The following SEPTIN9 variants were observed in gnomAD, a reference collection of about 807,000 sequenced individuals.
The protein encoded by SEPTIN9 is septin 9.
A neutral mutation model predicts 56.6 loss-of-function variants in SEPTIN9; 13 were observed. That is an observed-to-expected ratio of 0.23 (90% CI 0.15 to 0.37). SEPTIN9 has a LOEUF of 0.37. Ranked by LOEUF, SEPTIN9 falls within the 10% of genes least tolerant of loss-of-function variation. The pLI is 1.00. For missense variants in SEPTIN9, 650 were observed against 823.1 expected, an observed-to-expected ratio of 0.79 and a Z score of 2.57; for synonymous variants, 332 against 334.1, an observed-to-expected ratio of 0.99 and a Z score of 0.07.
At chr17:77,467,796 C>A (rs1406584931) in intron 3 of SEPTIN9, among the ~76,000 whole-genome samples, 1 of 152,200 alleles carries the variant, frequency 6.6e-6, no homozygotes, top group Non-Finnish European at 1.5e-5. Context: ...GTGGCTGCCC[C>A]CATGCTGGTC....
At chr17:77,282,911 A>G (rs1193618220) in intron 1 of SEPTIN9, among the ~76,000 whole-genome samples, 1 of 152,092 alleles carries the variant, frequency 6.6e-6, no homozygotes, top group African/African-American at 2.4e-5. Context: ...CCGCCCAGGG[A>G]GGGCCCTTTG....
intron 3 of SEPTIN9, among the ~76,000 whole-genome samples, chr17:77,465,025 C>T (rs1296259656): frequency 6.6e-6 from 1 of 152,204 alleles, no homozygotes; most frequent in Non-Finnish European, 1.5e-5. Context: ...CCCCTAGCCA[C>T]CGCTCATCTG....
At chr17:77,308,332 C>T (rs2032350894) in intron 2 of SEPTIN9, among the ~76,000 whole-genome samples, 1 of 152,250 alleles carries the variant, frequency 6.6e-6, no homozygotes, top group African/African-American at 2.4e-5. Context: ...GGGCTGCCTT[C>T]AGAACAAGGT....
chr17:77,301,686 T>A (rs1021810860), intron 1 of SEPTIN9, among the ~76,000 whole-genome samples: 2 of 152,202 alleles, frequency 1.3e-5, no homozygotes, highest in Admixed American at 1.3e-4. Flanking sequence ...GTGCTGGGAT[T>A]ACAGGCCTGA....
At chr17:77,355,140 A>T (rs1202040569) in intron 2 of SEPTIN9, among the ~76,000 whole-genome samples, 1 of 152,176 alleles carries the variant, frequency 6.6e-6, no homozygotes, top group Non-Finnish European at 1.5e-5. Flanking sequence ...GAATGGGCCT[A>T]TATGTCCCAT....
At position 77,402,212 on chromosome 17, in the gene SEPTIN9, A is replaced by T. The variant is rs756262702; in HGVS notation, c.230A>T (p.His77Leu). The change falls in exon 3 of 12, where the codon CAT becomes CTT. Residue 77 changes from histidine to leucine, a missense_variant. His to Leu is a moderately conservative substitution (Grantham distance 99). Around this residue, in one of 2 missense-constraint regions of SEPTIN9, gnomAD observed 317 missense variants for 329.1 expected, o/e 0.96. Coordinates refer to ENST00000427177, the MANE Select transcript of SEPTIN9 (RefSeq NM_001113491.2). The surrounding 1 kb of genome is among the most constrained non-coding windows in gnomAD (Gnocchi z 6.6). ...GVKNSEPSAR[H>L]VDSLSQRSPK... is the part of the protein sequence containing the mutation. The stretch of plus-strand genomic sequence containing the variant: ...AAGAACTCAGAACCCTCGGCCCGCC[A>T]TGTGGACTCCCTAAGCCAACGCTCC... 8 of 1,613,522 alleles carry T rather than the reference A, an allele frequency of 5.0e-6. No individual in the cohort carries two copies. In the South Asian group the frequency reaches 8.8e-5, roughly 18 times the overall value.
Position 77,451,478 on chromosome 17 carries a change from C to T in SEPTIN9, c.722-30666C>T. 1.0e-6 allele frequency: 1 copy of T among 985,832 alleles called. No homozygotes were observed. The highest frequency in any genetic ancestry group is 1.2e-6 in the Non-Finnish European group (1 of 830,250). The allele number at this position is 985,832 out of a possible 1,614,324, so 61.1% of individuals were successfully genotyped here. ...GCTCTGAGCCATGTGACCCGGTGGGCGGGCCGCGGCTCTCGGCGCGTCCAG... is the reference window on the plus strand; with the variant it reads ...GCTCTGAGCCATGTGACCCGGTGGGTGGGCCGCGGCTCTCGGCGCGTCCAG... On this transcript the variant is annotated intron_variant, in intron 3 of 11. Transcript: ENST00000427177. The surrounding 1 kb of genome is among the most constrained non-coding windows in gnomAD (Gnocchi z 4.2).
intron 2 of SEPTIN9, among the ~76,000 whole-genome samples, chr17:77,321,463 G>A (rs1229816015): frequency 1.3e-5 from 2 of 150,992 alleles, no homozygotes; most frequent in East Asian, 2.0e-4. Flanking sequence ...GCAGTGGCGC[G>A]ATCTCAGCTC....
intron 2 of SEPTIN9, among the ~76,000 whole-genome samples, chr17:77,396,712 C>T (rs775528737): frequency 1.6e-4 from 25 of 152,124 alleles, no homozygotes; most frequent in Non-Finnish European, 2.4e-4. Context: ...TAATGTTTCC[C>T]GGCTGGGTAC....
intron 10 of SEPTIN9, chr17:77,496,969 TGCGGGG>T (rs914340348): frequency 2.6e-6 from 1 of 384,548 alleles, no homozygotes; most frequent in African/African-American, 2.1e-5. Flanking sequence ...ACCCCAGTGG[TGCGGGG>T]GCCCACTGCC....
At chr17:77,392,133 A>C (rs985541434) in intron 2 of SEPTIN9, among the ~76,000 whole-genome samples, 3 of 152,166 alleles carry the variant, frequency 2.0e-5, no homozygotes, top group African/African-American at 7.2e-5. Flanking sequence ...ATCCAACCAC[A>C]GGCTCTGGCA....
At position 77,499,532 on chromosome 17, in the gene SEPTIN9, G is replaced by T. The variant is rs1189288409; in HGVS notation, c.*874G>T. 4.3e-6 allele frequency: 2 copies of T among 461,660 alleles called. No individual in the cohort carries two copies. Among genetic ancestry groups the T allele is most frequent in the Non-Finnish European group, 8.4e-6 (2 of 238,964 alleles). The allele number at this position is 461,660 out of a possible 1,614,324, so 28.6% of individuals were successfully genotyped here. A position where few individuals can be genotyped will look rare whatever the true frequency, so the allele number is the denominator to read the frequency against. ...TCTGGTGGAGGAGCTGAGGGAGGGA[G>T]CCATGGAAGGTGCCAGAAGGAAGGT... On this transcript the variant is annotated 3_prime_UTR_variant, in exon 12 of 12. Coordinates refer to ENST00000427177, the MANE Select transcript of SEPTIN9 (RefSeq NM_001113491.2).
intron 2 of SEPTIN9, chr17:77,373,168 A>C (rs1046592911): frequency 1.3e-4 from 139 of 1,055,070 alleles, no homozygotes; most frequent in Non-Finnish European, 1.6e-4. Context: ...ACTGTCCCCC[A>C]GCGGCCACTC....
At position 77,325,505 on chromosome 17, in the gene SEPTIN9, G is replaced by A. The variant is rs574869509; in HGVS notation, c.76+18308G>A. Among the ~76,000 whole-genome samples, 299 of 152,322 alleles carry A rather than the reference G, an allele frequency of 2.0e-3. 1 individual carries two copies. The highest frequency in any genetic ancestry group is 6.9e-3 in the African/African-American group (286 of 41,568). On this transcript the variant is annotated intron_variant, in intron 2 of 11. Coordinates refer to ENST00000427177, the MANE Select transcript of SEPTIN9 (RefSeq NM_001113491.2). Reference sequence around the variant, plus strand: ...GCTCCTGCCCAGGACCTGGCTGGACGTGCTCCCTACCGGGAAAGCCTGGGC... The same window carrying A: ...GCTCCTGCCCAGGACCTGGCTGGACATGCTCCCTACCGGGAAAGCCTGGGC...
rs376522274 is a variant in SEPTIN9 at position 77,362,004 on chromosome 17, C to T, written c.77-40055C>T. 5.8e-4 allele frequency among the ~76,000 whole-genome samples: 89 copies of T among 152,348 alleles called. 2 individuals are homozygous for T. In the South Asian group the frequency reaches 0.012, roughly 20 times the overall value. ...CTGGAGACCATATGCACCATGTAGA[C>T]CCCATTTGTTTCCTACCCTCAGTGT... On this transcript the variant is annotated intron_variant, in intron 2 of 11. Transcript: ENST00000427177.
Position 77,451,486 on chromosome 17 carries a change from GGCTCTCGGC to G in SEPTIN9, c.722-30655_722-30647del. 1.0e-6 allele frequency: 1 copy of G among 985,790 alleles called. No individual in the cohort carries two copies. The highest frequency in any genetic ancestry group is 1.2e-6 in the Non-Finnish European group (1 of 830,234). 61.1% of individuals were successfully genotyped at this position (985,790 alleles called of 1,614,324 possible). A position where few individuals can be genotyped will look rare whatever the true frequency, so the allele number is the denominator to read the frequency against. On this transcript the variant is annotated intron_variant, in intron 3 of 11. Transcript: ENST00000427177. The surrounding 1 kb of genome is among the most constrained non-coding windows in gnomAD (Gnocchi z 4.2). Reference sequence around the variant, plus strand: ...CCATGTGACCCGGTGGGCGGGCCGCGGCTCTCGGCGCGTCCAGCGCAGCCCGACGTTCCG... The same window carrying G: ...CCATGTGACCCGGTGGGCGGGCCGCGGCGTCCAGCGCAGCCCGACGTTCCG...
intron 7 of SEPTIN9, 116 bp from the exon 8 acceptor site, chr17:77,490,626 G>T: frequency 1.3e-6 from 1 of 798,214 alleles, no homozygotes. Flanking sequence ...CTTGCCAGCA[G>T]GGACCCCCGT....
At chr17:77,364,535 C>A (rs2034515725) in intron 2 of SEPTIN9, among the ~76,000 whole-genome samples, 2 of 152,228 alleles carry the variant, frequency 1.3e-5, no homozygotes, top group Admixed American at 1.3e-4. Context: ...CCTCTTCTCT[C>A]TTCTCCATCA....
chr17:77,408,578 G>A (rs1048519491), intron 3 of SEPTIN9, among the ~76,000 whole-genome samples: 8 of 151,388 alleles, frequency 5.3e-5, no homozygotes, highest in Admixed American at 1.3e-4. Context: ...TTGAGTATAG[G>A]GTTAATCAAA....
Sources: gnomAD v4.1 joint callset for allele counts (sites outside exome capture counted in the v4.1 genomes callset) on GRCh38, gnomAD v4.1.1 for gene constraint, gnomAD v4.1.1 regional missense constraint, Gnocchi (gnomAD v3.1) non-coding constraint, MANE v1.5 for transcripts, NCBI Gene and HGNC (gene_info 2026-07-23, HGNC 2026-07-21) for gene names.